Variants in SCHIP1 observed in about 807,000 individuals in gnomAD.
SCHIP1 encodes the protein schwannomin-interacting protein 1.
A neutral mutation model predicts 29.7 loss-of-function variants in SCHIP1; 8 were observed. That is an observed-to-expected ratio of 0.27 (90% CI 0.16 to 0.49). SCHIP1 has a LOEUF of 0.49. Among genes scored for constraint, SCHIP1 ranks in the 20% least tolerant of loss-of-function variants. The probability of loss-of-function intolerance (pLI) is 0.99; values close to 1 mark genes in which losing one functional copy is unlikely to be tolerated. For synonymous variants in SCHIP1, 76 were observed against 94.9 expected, an observed-to-expected ratio of 0.80 and a Z score of 1.16; for missense variants, 193 against 294.6, an observed-to-expected ratio of 0.66 and a Z score of 2.52.
At chr3:159,590,107 A>G in the SCHIP1 span, among the ~76,000 whole-genome samples, 11 of 151,904 alleles carry the variant, frequency 7.2e-5, no homozygotes, top group Non-Finnish European at 1.5e-4. Flanking sequence ...TGCTTTGCTG[A>G]AAAGTGTTGG....
chr3:159,301,146 A>G, the SCHIP1 span, among the ~76,000 whole-genome samples: 2 of 152,272 alleles, frequency 1.3e-5, no homozygotes, highest in African/African-American at 4.8e-5. Context: ...ACTTTTCATA[A>G]TTAACACACT....
chr3:159,892,317 T>C (rs991018535), intron 6 of SCHIP1, 127 bp downstream of exon 7: 2 of 1,059,928 alleles, frequency 1.9e-6, no homozygotes, highest in Non-Finnish European at 1.4e-6. Flanking sequence ...TAGCCTTTTC[T>C]GGTGCCAGCT....
intron 5 of SCHIP1, among the ~76,000 whole-genome samples, chr3:159,891,761 G>A (rs539308754): frequency 6.6e-6 from 1 of 152,278 alleles, no homozygotes; most frequent in Non-Finnish European, 1.5e-5. Context: ...GCTGAAGGGT[G>A]GAAAACTTAA....
At chr3:159,873,957 G>C (rs1715523902) in intron 2 of SCHIP1, among the ~76,000 whole-genome samples, 1 of 152,168 alleles carries the variant, frequency 6.6e-6, no homozygotes, top group Non-Finnish European at 1.5e-5. Context: ...TTATGTTTCA[G>C]ATGATGAGCT....
the SCHIP1 span, among the ~76,000 whole-genome samples, chr3:159,290,464 T>C: frequency 1.4e-4 from 22 of 152,150 alleles, no homozygotes; most frequent in Admixed American, 1.4e-3. Flanking sequence ...CCTCTTTGAA[T>C]ATACCTGGTT....
chr3:159,674,596 A>AT, the SCHIP1 span, among the ~76,000 whole-genome samples: 11 of 129,912 alleles, frequency 8.5e-5, no homozygotes, highest in South Asian at 2.6e-4. Flanking sequence ...TAGGGTCAGG[A>AT]TTAAAAAAAA....
At chr3:159,759,078 T>A in the SCHIP1 span, among the ~76,000 whole-genome samples, 1 of 152,248 alleles carries the variant, frequency 6.6e-6, no homozygotes, top group Non-Finnish European at 1.5e-5. Flanking sequence ...TTCATTTTTT[T>A]AATTGAGGAA....
chr3:159,856,374 T>G (rs1349172531), intron 1 of SCHIP1, among the ~76,000 whole-genome samples: 1 of 152,122 alleles, frequency 6.6e-6, no homozygotes, highest in Non-Finnish European at 1.5e-5. Context: ...ATAGCCGGTG[T>G]GGACTTCTAA....
the SCHIP1 span, among the ~76,000 whole-genome samples, chr3:159,633,262 A>G: frequency 6.6e-6 from 1 of 152,212 alleles, no homozygotes; most frequent in Non-Finnish European, 1.5e-5. Flanking sequence ...TAAACCTTGA[A>G]TTTATTCTGT....
the SCHIP1 span, among the ~76,000 whole-genome samples, chr3:159,465,181 A>G: frequency 1.3e-5 from 2 of 152,158 alleles, no homozygotes; most frequent in East Asian, 3.8e-4. Flanking sequence ...TGCTTTCTAC[A>G]GAAATACTCC....
At chr3:159,553,472 T>C in the SCHIP1 span, among the ~76,000 whole-genome samples, 46 of 152,372 alleles carry the variant, frequency 3.0e-4, no homozygotes, top group Non-Finnish European at 5.9e-4. Flanking sequence ...TTTGAATGTC[T>C]GCTCATTATT....
At chr3:159,428,032 T>C in the SCHIP1 span, among the ~76,000 whole-genome samples, 655 of 151,936 alleles carry the variant, frequency 4.3e-3, 4 homozygotes, top group African/African-American at 0.015. Flanking sequence ...TACATCTTAT[T>C]CAAAAATTAA....
At chr3:159,619,019 C>T in the SCHIP1 span, among the ~76,000 whole-genome samples, 1 of 152,166 alleles carries the variant, frequency 6.6e-6, no homozygotes. Flanking sequence ...AAGGTGACTT[C>T]CAATAAAATA....
the SCHIP1 span, among the ~76,000 whole-genome samples, chr3:159,740,258 A>G: frequency 6.6e-6 from 1 of 152,222 alleles, no homozygotes; most frequent in Non-Finnish European, 1.5e-5. Context: ...TGGCGAGAAA[A>G]GAGTGGGGAG....
intron 4 of SCHIP1, chr3:159,888,309 A>C (rs952068270): frequency 8.8e-6 from 2 of 226,826 alleles, no homozygotes; most frequent in Admixed American, 1.0e-4. Context: ...TTTGGAGTTT[A>C]AGTCTAGCTC....
the SCHIP1 span, among the ~76,000 whole-genome samples, chr3:159,538,353 CTTG>C: frequency 6.6e-6 from 1 of 152,032 alleles, no homozygotes; most frequent in African/African-American, 2.4e-5. Flanking sequence ...TTTTATTCCC[CTTG>C]TTATTTTCCT....
the SCHIP1 span, among the ~76,000 whole-genome samples, chr3:159,722,979 T>C: frequency 6.6e-6 from 1 of 152,164 alleles, no homozygotes; most frequent in South Asian, 2.1e-4. Flanking sequence ...CATCTCTTCC[T>C]CCCCTGGCTA....
At chr3:159,358,320 A>G in the SCHIP1 span, among the ~76,000 whole-genome samples, 10 of 152,222 alleles carry the variant, frequency 6.6e-5, no homozygotes, top group Non-Finnish European at 1.3e-4. Flanking sequence ...AGACAGGGGT[A>G]TCTGGCCAGT....
chr3:159,890,872 G>A (rs116112515), intron 5 of SCHIP1, among the ~76,000 whole-genome samples: 7,727 of 152,068 alleles, frequency 0.051, 633 homozygotes, highest in African/African-American at 0.17. Flanking sequence ...GCATTTCCAA[G>A]GGGGACCTGT....
Sources: allele counts gnomAD v4.1 joint callset (sites outside exome capture counted in the v4.1 genomes callset), GRCh38; gene constraint gnomAD v4.1.1; transcripts MANE v1.5; gene names NCBI Gene and HGNC (gene_info 2026-07-23, HGNC 2026-07-21).